Variants in COPA observed in about 807,000 individuals in gnomAD.
The protein encoded by COPA is coat protein complex I subunit alpha.
COPA carries 10 observed loss-of-function variants against 158.7 expected under a neutral mutation model. That is an observed-to-expected ratio of 0.06 (90% CI 0.04 to 0.11). The LOEUF (loss-of-function observed/expected upper bound fraction) is 0.11, where lower values mean the gene tolerates loss of function less well. COPA is among the 10% of genes least tolerant of loss of function. The probability of loss-of-function intolerance (pLI) is 1.00; values close to 1 mark genes in which losing one functional copy is unlikely to be tolerated. For missense variants in COPA, 1,065 were observed against 1,536.7 expected, an observed-to-expected ratio of 0.69 and a Z score of 5.13; for synonymous variants, 462 against 542.8, an observed-to-expected ratio of 0.85 and a Z score of 2.07.
In COPA at chr1:160,297,420, A is replaced by C; in HGVS notation, c.2186T>G (p.Met729Arg). The change falls in exon 21 of 33, where the codon ATG becomes AGG. Residue 729 changes from methionine (M) to arginine (R), a missense_variant. Physicochemically the swap from Met to Arg is moderately conservative, Grantham distance 91. This residue lies in a region of COPA where 980 missense variants were observed against 1,357.8 expected (regional missense o/e 0.72). Coordinates refer to ENST00000241704, the MANE Select transcript of COPA (RefSeq NM_004371.4). ...MMKIAEIRKDMSGHYQNALYL... is the reference protein window; with the variant it reads ...MMKIAEIRKDRSGHYQNALYL... The stretch of plus-strand genomic sequence containing the variant: ...TAGGGCATTCTGATAGTGGCCACTC[A>C]TGTCCTTTCTGATCTCAGCTGCACC... 2 of 1,614,098 alleles carry C rather than the reference A, an allele frequency of 1.2e-6. No homozygotes were observed. The highest frequency in any genetic ancestry group is 1.7e-6 in the Non-Finnish European group (2 of 1,180,020).
At chr1:160,310,604 G>C (rs1384611814) in intron 11 of COPA, 1 of 160,592 alleles carries the variant, frequency 6.2e-6, no homozygotes, top group East Asian at 1.7e-4. Context: ...GTAACATAAT[G>C]TGATTTGTCT....
At chr1:160,295,648 CA>C in intron 23 of COPA, 87 bp downstream of exon 23, 1 of 1,308,614 alleles carries the variant, frequency 7.6e-7, no homozygotes, top group Non-Finnish European at 1.0e-6. Flanking sequence ...AAAAAAAGGA[CA>C]AGTTAAACTA....
At chr1:160,318,468 T>TAAAAAAA (rs71090307) in intron 8 of COPA, among the ~76,000 whole-genome samples, 54 of 15,540 alleles carry the variant, frequency 3.5e-3, no homozygotes, top group Non-Finnish European at 5.0e-3. Flanking sequence ...ACAATATTTG[T>TAAAAAAA]AAAAAAAAAA....
At chr1:160,315,970 A>G (rs1343401614) in intron 8 of COPA, among the ~76,000 whole-genome samples, 1 of 152,248 alleles carries the variant, frequency 6.6e-6, no homozygotes, top group Admixed American at 6.5e-5. Flanking sequence ...ACAGAAACAC[A>G]TTTGCTGAAA....
intron 25 of COPA, 97 bp from the exon 26 acceptor site, chr1:160,293,560 T>G (rs1265181920): frequency 3.2e-6 from 3 of 932,668 alleles, no homozygotes; most frequent in Non-Finnish European, 3.2e-6. Context: ...AGAGGCATGA[T>G]CTCGGCACAC....
At chr1:160,331,356 T>C (rs1394288248) in intron 6 of COPA, among the ~76,000 whole-genome samples, 1 of 152,126 alleles carries the variant, frequency 6.6e-6, no homozygotes, top group Non-Finnish European at 1.5e-5. Flanking sequence ...AATCTGTCCA[T>C]TAAAAGGTAT....
Position 160,297,316 on chromosome 1 carries a change from A to T in COPA, c.2263+27T>A, listed in dbSNP as rs769029596. 3.1e-6 allele frequency: 5 copies of T among 1,603,188 alleles called. No homozygotes were observed. The South Asian group carries it at 5.5e-5, about 18-fold the overall frequency. On this transcript the variant is annotated intron_variant, in intron 21 of 32. Transcript: ENST00000241704. ...AGAAAAATACTTCCTCAGACCCTGA[A>T]AAAGCTGGCAAGTCTCGGATACTTA...
At chr1:160,325,796 C>T (rs1319856205) in intron 6 of COPA, 144 bp from the exon 7 acceptor site, 1 of 653,382 alleles carries the variant, frequency 1.5e-6, no homozygotes, top group African/African-American at 1.8e-5. Context: ...CTCAAGAATT[C>T]CTATTTCTAA....
At chr1:160,322,548 G>A (rs1244164729) in intron 8 of COPA, among the ~76,000 whole-genome samples, 1 of 152,052 alleles carries the variant, frequency 6.6e-6, no homozygotes, top group Non-Finnish European at 1.5e-5. Flanking sequence ...AATTATCAGA[G>A]AAATGCAAAT....
chr1:160,324,283 T>A lies in COPA; in HGVS notation c.607-753A>T, dbSNP rs998220132. ...TATTACTAAGACTTTGTCTTCTTCA[T>A]TCTTTTTTTTTTTTTTTTTTTTTTT... On this transcript the variant is annotated intron_variant, in intron 7 of 32. Coordinates refer to ENST00000241704, the MANE Select transcript of COPA (RefSeq NM_004371.4). Among the ~76,000 whole-genome samples the A allele has an allele frequency of 3.3e-5, 5 of 150,108 alleles. No homozygotes were observed. In the South Asian group the frequency reaches 1.0e-3, roughly 31 times the overall value.
At chr1:160,318,468 T>TAAAAAAAAAAAAAAAA (rs71090307) in intron 8 of COPA, among the ~76,000 whole-genome samples, 8 of 15,656 alleles carry the variant, frequency 5.1e-4, no homozygotes, top group South Asian at 2.5e-3. Flanking sequence ...ACAATATTTG[T>TAAAAAAAAAAAAAAAA]AAAAAAAAAA....
At chr1:160,341,795 G>T (rs947288565) in intron 1 of COPA, among the ~76,000 whole-genome samples, 80 of 151,600 alleles carry the variant, frequency 5.3e-4, no homozygotes, top group African/African-American at 1.8e-3. Flanking sequence ...CTTCTAAATT[G>T]TCTATTTTTC....
At chr1:160,334,158 T>C (rs146713323) in intron 4 of COPA, among the ~76,000 whole-genome samples, 2 of 152,352 alleles carry the variant, frequency 1.3e-5, no homozygotes, top group African/African-American at 4.8e-5. Context: ...TTTAGCCTTT[T>C]TGGAGTCTAT....
chr1:160,335,791 G>C (rs1446154507), intron 3 of COPA, among the ~76,000 whole-genome samples: 1 of 150,030 alleles, frequency 6.7e-6, no homozygotes, highest in African/African-American at 2.5e-5. Context: ...GCTGAGGCAG[G>C]AGAATCGCTT....
rs752456978 is a variant in COPA, at chr1:160,305,516, A to G, written c.1584T>C (p.Ile528=). The change falls in exon 17 of 33, where the codon ATT becomes ATC. Residue 528 remains isoleucine (I), a synonymous_variant. Coordinates refer to ENST00000241704, the MANE Select transcript of COPA (RefSeq NM_004371.4). The stretch of plus-strand genomic sequence containing the variant: ...CATCCCAGGCCCCACTCTTGACACG[A>G]ATGTTCTCATGAATGTTACATAAAG... ...LDALCNIHEN[I]RVKSGAWDES... is the part of the protein sequence containing the mutation. 6.2e-7 allele frequency: 1 copy of G among 1,614,152 alleles called. No individual in the cohort carries two copies. The highest frequency in any genetic ancestry group is 1.1e-5 in the South Asian group (1 of 91,084).
rs1259434689 is a variant in COPA, at chr1:160,289,865, A to G, written c.*292T>C. ...CGTAGCCTCCCAAAGTGCTGGGATT[A>G]CAGGTATGAGCCACTCCACCCAGCC... On this transcript the variant is annotated 3_prime_UTR_variant, in exon 33 of 33. Transcript: ENST00000241704. The G allele has an allele frequency of 3.8e-6, 1 of 264,376 alleles. No homozygotes were observed. The highest frequency in any genetic ancestry group is 7.2e-6 in the Non-Finnish European group (1 of 139,574). The allele number at this position is 264,376 out of a possible 1,614,324, so 16.4% of individuals were successfully genotyped here.
chr1:160,332,088 G>A (rs2101871248), intron 6 of COPA, among the ~76,000 whole-genome samples: 1 of 152,236 alleles, frequency 6.6e-6, no homozygotes, highest in South Asian at 2.1e-4. Context: ...TTGTTTCCCT[G>A]TATTAATCTA....
intron 8 of COPA, among the ~76,000 whole-genome samples, chr1:160,321,928 A>G (rs1659341008): frequency 6.6e-6 from 1 of 152,196 alleles, no homozygotes; most frequent in Non-Finnish European, 1.5e-5. Flanking sequence ...TACAAGGAAA[A>G]CTATAAAACT....
At chr1:160,308,837 AACATGC>A (rs1658873684) in intron 13 of COPA, 1 of 403,132 alleles carries the variant, frequency 2.5e-6, no homozygotes, top group African/African-American at 2.1e-5. Flanking sequence ...AAACTAGGAT[AACATGC>A]TGTGCTGAAA....
Sources: gnomAD v4.1 joint callset for allele counts (sites outside exome capture counted in the v4.1 genomes callset) on GRCh38, gnomAD v4.1.1 for gene constraint, gnomAD v4.1.1 regional missense constraint, MANE v1.5 for transcripts, NCBI Gene and HGNC (gene_info 2026-07-23, HGNC 2026-07-21) for gene names.